Variants in ERBB4 observed in about 807,000 individuals in gnomAD.
The protein encoded by ERBB4 is erb-b2 receptor tyrosine kinase 4, also known as receptor tyrosine-protein kinase erbB-4.
In ERBB4, 42 loss-of-function variants were observed where a neutral mutation model predicts 158.0. The observed-to-expected ratio is 0.27, with a 90% confidence interval of 0.21 to 0.34. The LOEUF is 0.34. Among genes scored for constraint, ERBB4 ranks in the 10% least tolerant of loss-of-function variants. ERBB4 has a pLI of 1.00. For missense variants in ERBB4, 1,333 were observed against 1,624.1 expected (o/e 0.82, Z 3.08); for synonymous variants, 583 against 558.7 (o/e 1.04, Z -0.61).
chr2:211,949,328 A>T (rs1466386715), intron 2 of ERBB4, among the ~76,000 whole-genome samples: 1 of 152,160 alleles, frequency 6.6e-6, no homozygotes, highest in East Asian at 1.9e-4. Context: ...AGTAACAGAC[A>T]AAATACTTTT....
chr2:212,457,238 A>G (rs1688339877), intron 1 of ERBB4, among the ~76,000 whole-genome samples: 1 of 152,052 alleles, frequency 6.6e-6, no homozygotes, highest in African/African-American at 2.4e-5. Context: ...TATATTTTTA[A>G]GCCCAAAGCC....
At chr2:211,415,025 TTAC>T (rs2063351321) in intron 25 of ERBB4, among the ~76,000 whole-genome samples, 1 of 151,476 alleles carries the variant, frequency 6.6e-6, no homozygotes, top group African/African-American at 2.4e-5. Context: ...ATTATTATTA[TTAC>T]TATTTTTATT....
chr2:211,922,647 ATTT>A (rs2079888347), intron 3 of ERBB4, among the ~76,000 whole-genome samples: 1 of 152,110 alleles, frequency 6.6e-6, no homozygotes, highest in Non-Finnish European at 1.5e-5. Flanking sequence ...CATTGTGTTA[ATTT>A]CTAAGAAAAC....
chr2:211,783,550 C>G (rs1043430791), intron 4 of ERBB4, among the ~76,000 whole-genome samples: 1 of 152,152 alleles, frequency 6.6e-6, no homozygotes, highest in Non-Finnish European at 1.5e-5. Context: ...CCATCAGTAC[C>G]TAATTTATTG....
At chr2:211,636,214 A>T (rs1307314559) in intron 16 of ERBB4, among the ~76,000 whole-genome samples, 1 of 151,984 alleles carries the variant, frequency 6.6e-6, no homozygotes. Flanking sequence ...TGCAAATTGC[A>T]AAACATGGTA....
At chr2:212,364,358 GC>G (rs2089802631) in intron 1 of ERBB4, among the ~76,000 whole-genome samples, 1 of 151,598 alleles carries the variant, frequency 6.6e-6, no homozygotes. Flanking sequence ...TCTGTCTAAA[GC>G]CCCTTGACTC....
chr2:212,289,892 G>A (rs992585467), intron 1 of ERBB4, among the ~76,000 whole-genome samples: 1 of 152,098 alleles, frequency 6.6e-6, no homozygotes, highest in African/African-American at 2.4e-5. Context: ...CTATAGTACA[G>A]CTTTTATAGA....
intron 16 of ERBB4, among the ~76,000 whole-genome samples, chr2:211,653,707 C>G (rs1211181206): frequency 6.6e-6 from 1 of 152,074 alleles, no homozygotes; most frequent in East Asian, 1.9e-4. Context: ...CAGTGTCTTG[C>G]TCTATCCCCC....
At chr2:211,489,689 A>G (rs892476621) in intron 20 of ERBB4, among the ~76,000 whole-genome samples, 12 of 151,994 alleles carry the variant, frequency 7.9e-5, no homozygotes, top group Non-Finnish European at 1.3e-4. Flanking sequence ...GAAGGTATTG[A>G]TTTAATATTT....
intron 1 of ERBB4, among the ~76,000 whole-genome samples, chr2:212,302,515 G>C (rs1412867462): frequency 1.3e-5 from 2 of 151,430 alleles, no homozygotes; most frequent in East Asian, 1.9e-4. Flanking sequence ...GGGTGAATTA[G>C]AGTCCATTTT....
intron 3 of ERBB4, among the ~76,000 whole-genome samples, chr2:211,804,027 C>T (rs919656639): frequency 6.6e-6 from 1 of 152,166 alleles, no homozygotes; most frequent in Admixed American, 6.5e-5. Context: ...AAGCGTCTGG[C>T]TATCTAATGA....
At chr2:211,935,494 T>C (rs1240336446) in intron 3 of ERBB4, among the ~76,000 whole-genome samples, 20 of 152,188 alleles carry the variant, frequency 1.3e-4, no homozygotes, top group Admixed American at 1.3e-3. Context: ...TCAGGCTCCC[T>C]GGTCTTTGGA....
intron 12 of ERBB4, among the ~76,000 whole-genome samples, chr2:211,698,266 C>T (rs915758503): frequency 1.4e-5 from 2 of 145,890 alleles, no homozygotes; most frequent in Admixed American, 7.0e-5. Flanking sequence ...GGGCCAAGAT[C>T]GTGCCATTGC....
intron 2 of ERBB4, among the ~76,000 whole-genome samples, chr2:212,050,622 TA>T (rs879379121): frequency 2.0e-5 from 3 of 152,230 alleles, no homozygotes; most frequent in Non-Finnish European, 4.4e-5. Context: ...ACTTCCAAAA[TA>T]AAAAAGTAGT....
At chr2:211,777,182 ATTG>A (rs1342395071) in intron 4 of ERBB4, 1 of 152,146 alleles carries the variant, frequency 6.6e-6, no homozygotes, top group Non-Finnish European at 1.5e-5. Context: ...CTACTGATTA[ATTG>A]TTATGTCCTT....
intron 3 of ERBB4, among the ~76,000 whole-genome samples, chr2:211,907,105 T>C (rs1006091524): frequency 2.0e-5 from 3 of 151,848 alleles, no homozygotes; most frequent in African/African-American, 7.2e-5. Flanking sequence ...GATTAACTGA[T>C]ACATTTCTTA....
At chr2:211,550,574 A>AATATATATATATAT (rs376362405) in intron 20 of ERBB4, among the ~76,000 whole-genome samples, 393 of 136,864 alleles carry the variant, frequency 2.9e-3, no homozygotes, top group Middle Eastern at 0.023. Flanking sequence ...CATTCCTTAG[A>AATATATATATATAT]ATATATATAT....
intron 22 of ERBB4, among the ~76,000 whole-genome samples, 198 bp from the exon 23 acceptor site, chr2:211,424,499 T>A (rs921222031): frequency 6.6e-6 from 1 of 152,082 alleles, no homozygotes; most frequent in Non-Finnish European, 1.5e-5. Context: ...TTCAATTTTC[T>A]TATTATTGTC....
chr2:211,467,773 T>C (rs1375930206), intron 20 of ERBB4, among the ~76,000 whole-genome samples: 1 of 152,136 alleles, frequency 6.6e-6, no homozygotes. Flanking sequence ...TTGTGGAAAC[T>C]GTAAATCCAT....
Sources: gnomAD v4.1 joint callset for allele counts (sites outside exome capture counted in the v4.1 genomes callset) on GRCh38, gnomAD v4.1.1 for gene constraint, MANE v1.5 for transcripts, NCBI Gene and HGNC (gene_info 2026-07-23, HGNC 2026-07-21) for gene names.